The following RALGPS1 variants were observed in gnomAD, a reference collection of about 807,000 sequenced individuals.
RALGPS1 encodes the protein ras-specific guanine nucleotide-releasing factor RalGPS1.
RALGPS1 carries 19 observed loss-of-function variants against 78.8 expected under a neutral mutation model. The observed-to-expected ratio is 0.24, with a 90% CI of 0.17 to 0.35. The LOEUF is 0.35. RALGPS1 is among the 10% of genes least tolerant of loss of function. The pLI is 1.00. For missense variants in RALGPS1, 454 were observed against 688.3 expected (o/e 0.66, Z 3.81); for synonymous variants, 228 against 256.3 (o/e 0.89, Z 1.06).
At chr9:127,037,058 G>A (rs2046923393) in intron 5 of RALGPS1, among the ~76,000 whole-genome samples, 1 of 152,198 alleles carries the variant, frequency 6.6e-6, no homozygotes, top group Non-Finnish European at 1.5e-5. Flanking sequence ...CAGCCTGGTA[G>A]TCCTCATTTA....
chr9:126,991,875 G>A (rs2042312771), intron 4 of RALGPS1, among the ~76,000 whole-genome samples: 1 of 152,198 alleles, frequency 6.6e-6, no homozygotes, highest in South Asian at 2.1e-4. Context: ...AAGGAGAAAA[G>A]CAATAGGCAG....
rs746878907 is a variant in RALGPS1 at position 127,174,814 on chromosome 9, C to CACTT, written c.910+34_910+37dup. The CACTT allele has an allele frequency of 4.4e-6, 7 of 1,595,832 alleles. No individual in the cohort carries two copies. In the African/African-American group the frequency reaches 8.0e-5, roughly 18 times the overall value. On this transcript the variant is annotated intron_variant, in intron 11 of 18. Coordinates refer to ENST00000259351, the MANE Select transcript of RALGPS1 (RefSeq NM_014636.3). ...TAGCTACCTCGAGTGGGAGCAAACCCACTTAATAGCCTAATTGTGGCTGCC... is the reference window on the plus strand; with the variant it reads ...TAGCTACCTCGAGTGGGAGCAAACCCACTTACTTAATAGCCTAATTGTGGCTGCC...
chr9:127,003,306 T>G (rs1000087395), intron 4 of RALGPS1, among the ~76,000 whole-genome samples: 5 of 152,114 alleles, frequency 3.3e-5, no homozygotes, highest in Non-Finnish European at 5.9e-5. Flanking sequence ...CCTACTCATC[T>G]GACAAAGGGC....
chr9:127,109,770 A>T (rs903553569), intron 8 of RALGPS1, among the ~76,000 whole-genome samples: 4 of 152,236 alleles, frequency 2.6e-5, no homozygotes, highest in Non-Finnish European at 5.9e-5. Context: ...TCATTATGCC[A>T]TTCCCAAATG....
At chr9:127,060,994 G>A (rs2049164117) in intron 7 of RALGPS1, among the ~76,000 whole-genome samples, 2 of 152,208 alleles carry the variant, frequency 1.3e-5, no homozygotes, top group Admixed American at 6.5e-5. Context: ...ATGCCTCTGA[G>A]TGAAGGAAAG....
At chr9:127,050,195 A>G in intron 6 of RALGPS1, 63 bp downstream of exon 6, 1 of 1,309,372 alleles carries the variant, frequency 7.6e-7, no homozygotes, top group Middle Eastern at 1.8e-4. Context: ...CCTCCCCAAA[A>G]ATATGTTTCC....
chr9:126,934,930 G>A (rs558666232), intron 1 of RALGPS1, among the ~76,000 whole-genome samples: 2 of 152,288 alleles, frequency 1.3e-5, no homozygotes, highest in African/African-American at 4.8e-5. Flanking sequence ...TGTGAGTTAT[G>A]TTTGGCCATG....
chr9:126,944,807 G>A (rs554841470), intron 1 of RALGPS1, among the ~76,000 whole-genome samples: 2 of 152,080 alleles, frequency 1.3e-5, no homozygotes, highest in Non-Finnish European at 2.9e-5. Flanking sequence ...TTCTGTTTCA[G>A]GATCCAGTCT....
At chr9:127,147,596 G>C (rs2058167724) in intron 8 of RALGPS1, among the ~76,000 whole-genome samples, 1 of 152,194 alleles carries the variant, frequency 6.6e-6, no homozygotes, top group Non-Finnish European at 1.5e-5. Flanking sequence ...TTCTGCATAT[G>C]GTTAGCCAGT....
At chr9:127,088,965 G>A in intron 8 of RALGPS1, 4 of 1,614,156 alleles carry the variant, frequency 2.5e-6, no homozygotes, top group Non-Finnish European at 3.4e-6. Flanking sequence ...GGGTTCGGTC[G>A]GATCATCATC....
chr9:126,992,004 G>A (rs2042325125), intron 4 of RALGPS1, among the ~76,000 whole-genome samples: 1 of 152,152 alleles, frequency 6.6e-6, no homozygotes, highest in African/African-American at 2.4e-5. Flanking sequence ...AGCAGTGTCT[G>A]GTACATGACA....
chr9:127,168,147 C>T (rs775053105), intron 9 of RALGPS1, among the ~76,000 whole-genome samples: 1 of 152,218 alleles, frequency 6.6e-6, no homozygotes, highest in Admixed American at 6.5e-5. Flanking sequence ...GGTGCCTGGA[C>T]CCCTCCCTTT....
intron 8 of RALGPS1, among the ~76,000 whole-genome samples, chr9:127,129,005 A>T (rs980532006): frequency 1.3e-5 from 2 of 151,376 alleles, no homozygotes; most frequent in Non-Finnish European, 1.5e-5. Context: ...CGTGAGGACA[A>T]CACCTCTCCT....
intron 12 of RALGPS1, 140 bp downstream of exon 12, chr9:127,195,357 T>C (rs972938957): frequency 2.5e-6 from 3 of 1,206,076 alleles, no homozygotes; most frequent in Non-Finnish European, 3.4e-6. Context: ...CTTGGAATCC[T>C]GGCCAGTGCG....
intron 1 of RALGPS1, among the ~76,000 whole-genome samples, chr9:126,933,766 A>G (rs530083226): frequency 1.8e-4 from 28 of 152,216 alleles, no homozygotes; most frequent in Middle Eastern, 6.8e-3. Flanking sequence ...ATGGGAGACA[A>G]GTGGCCACGG....
intron 8 of RALGPS1, among the ~76,000 whole-genome samples, chr9:127,111,076 G>T (rs992678063): frequency 3.3e-5 from 5 of 151,998 alleles, no homozygotes; most frequent in Non-Finnish European, 5.9e-5. Flanking sequence ...TTCCTCCCTG[G>T]TCTCATCTCT....
chr9:126,992,387 A>T (rs1588887158), intron 4 of RALGPS1, among the ~76,000 whole-genome samples: 1 of 152,130 alleles, frequency 6.6e-6, no homozygotes, highest in Non-Finnish European at 1.5e-5. Context: ...ATTTTTTAAT[A>T]CCTCTTTGCA....
chr9:127,127,800 A>G (rs2056728375), intron 8 of RALGPS1, among the ~76,000 whole-genome samples: 2 of 152,228 alleles, frequency 1.3e-5, no homozygotes, highest in Non-Finnish European at 2.9e-5. Flanking sequence ...ACAGCTAGGA[A>G]ATAATGGGAC....
intron 4 of RALGPS1, among the ~76,000 whole-genome samples, chr9:126,984,394 C>T (rs144158729): frequency 2.6e-5 from 4 of 152,366 alleles, no homozygotes; most frequent in South Asian, 2.1e-4. Context: ...TGAGCTGCCA[C>T]GCCTGACTCT....
Sources: gnomAD v4.1 joint callset for allele counts (sites outside exome capture counted in the v4.1 genomes callset) on GRCh38, gnomAD v4.1.1 for gene constraint, MANE v1.5 for transcripts, NCBI Gene and HGNC (gene_info 2026-07-23, HGNC 2026-07-21) for gene names.